HS6ST3: variants seen among roughly 807,000 people sequenced by gnomAD.
HS6ST3 encodes the protein heparan-sulfate 6-O-sulfotransferase 3.
HS6ST3 carries 12 observed loss-of-function variants against 36.7 expected under a neutral mutation model. That is an observed-to-expected ratio of 0.33 (90% CI 0.21 to 0.53). The LOEUF (loss-of-function observed/expected upper bound fraction) is 0.53, where lower values mean the gene tolerates loss of function less well. Ranked by LOEUF, HS6ST3 falls within the 20% of genes least tolerant of loss-of-function variation. The pLI is 0.95. For missense variants in HS6ST3, 584 were observed against 640.9 expected (o/e 0.91, Z 0.96); for synonymous variants, 240 against 257.5 (o/e 0.93, Z 0.65).
intron 1 of HS6ST3, among the ~76,000 whole-genome samples, chr13:96,512,882 TTTG>T (rs926287723): frequency 1.1e-4 from 17 of 151,992 alleles, no homozygotes; most frequent in Non-Finnish European, 2.4e-4. Flanking sequence ...CTCTCATTTT[TTTG>T]TTGTTGTTGT....
At chr13:96,381,261 G>A (rs756256342) in intron 1 of HS6ST3, among the ~76,000 whole-genome samples, 25 of 152,056 alleles carry the variant, frequency 1.6e-4, no homozygotes, top group Non-Finnish European at 3.5e-4. Context: ...TATAATATAA[G>A]CCCAGCTTTG....
intron 1 of HS6ST3, among the ~76,000 whole-genome samples, chr13:96,478,835 G>T (rs960888638): frequency 6.6e-6 from 1 of 152,128 alleles, no homozygotes; most frequent in African/African-American, 2.4e-5. Flanking sequence ...CTTGCCTAGG[G>T]TCACAAAGTT....
intron 1 of HS6ST3, among the ~76,000 whole-genome samples, chr13:96,371,452 C>T (rs185512423): frequency 4.0e-4 from 61 of 152,144 alleles, no homozygotes; most frequent in Non-Finnish European, 4.6e-4. Flanking sequence ...CACATAGTTA[C>T]GTGTATGTGT....
intron 1 of HS6ST3, among the ~76,000 whole-genome samples, chr13:96,355,288 T>G (rs2055203916): frequency 6.6e-6 from 1 of 151,576 alleles, no homozygotes; most frequent in African/African-American, 2.4e-5. Flanking sequence ...AGAAGTTGAT[T>G]CCAACCCTGA....
In HS6ST3 at chr13:96,573,209, A is replaced by T. The variant is rs376045347; in HGVS notation, c.708-259281A>T. ...TAGAATGTCTTAGAGTTCTTTTCTT[A>T]TTTCTATTTCCTGTGCGATATCTCC... On this transcript the variant is annotated intron_variant, in intron 1 of 1. Coordinates refer to ENST00000376705, the MANE Select transcript of HS6ST3 (RefSeq NM_153456.4). 3.0e-4 allele frequency among the ~76,000 whole-genome samples: 45 copies of T among 152,278 alleles called. No individual in the cohort carries two copies. The East Asian group carries it at 6.8e-3, about 23-fold the overall frequency.
At chr13:96,313,532 T>C (rs1332591509) in intron 1 of HS6ST3, among the ~76,000 whole-genome samples, 1 of 152,124 alleles carries the variant, frequency 6.6e-6, no homozygotes, top group Non-Finnish European at 1.5e-5. Context: ...TTACGTATCT[T>C]AGGTCATGCA....
chr13:96,331,693 C>T (rs1043973889), intron 1 of HS6ST3, among the ~76,000 whole-genome samples: 1 of 152,194 alleles, frequency 6.6e-6, no homozygotes, highest in African/African-American at 2.4e-5. Flanking sequence ...CCTCCTTGAG[C>T]TGTGGTGGGC....
At chr13:96,162,112 A>C (rs1594699658) in intron 1 of HS6ST3, among the ~76,000 whole-genome samples, 1 of 152,230 alleles carries the variant, frequency 6.6e-6, no homozygotes, top group South Asian at 2.1e-4. Flanking sequence ...GGAACAGCTT[A>C]ATAGTACACC....
chr13:96,102,348 G>A (rs2053822163), intron 1 of HS6ST3, among the ~76,000 whole-genome samples: 1 of 152,154 alleles, frequency 6.6e-6, no homozygotes. Context: ...TGGGTGTGGT[G>A]GTGGGGGCCT....
At chr13:96,656,717 C>T (rs2139016250) in intron 1 of HS6ST3, among the ~76,000 whole-genome samples, 1 of 152,190 alleles carries the variant, frequency 6.6e-6, no homozygotes, top group East Asian at 1.9e-4. Flanking sequence ...CATAGGAATC[C>T]TGGTGGAATC....
intron 1 of HS6ST3, among the ~76,000 whole-genome samples, chr13:96,668,125 G>A (rs1014006054): frequency 2.0e-5 from 3 of 151,758 alleles, no homozygotes; most frequent in Admixed American, 2.0e-4. Flanking sequence ...TTTTGCAGAT[G>A]AAAAAACTGA....
At chr13:96,508,800 C>A (rs541095544) in intron 1 of HS6ST3, among the ~76,000 whole-genome samples, 1 of 152,188 alleles carries the variant, frequency 6.6e-6, no homozygotes, top group South Asian at 2.1e-4. Context: ...AGGTTGGTTC[C>A]ATATCTTTAC....
chr13:96,787,648 G>A (rs747613762), intron 1 of HS6ST3, among the ~76,000 whole-genome samples: 1 of 151,872 alleles, frequency 6.6e-6, no homozygotes, highest in Admixed American at 6.6e-5. Context: ...AGTTCTTTAT[G>A]TATTTTGTAA....
intron 1 of HS6ST3, among the ~76,000 whole-genome samples, chr13:96,245,599 T>C (rs1390703134): frequency 3.9e-5 from 6 of 152,246 alleles, no homozygotes; most frequent in African/African-American, 1.4e-4. Flanking sequence ...GTTATCCTTT[T>C]TCCGATGCTA....
At chr13:96,547,573 A>G (rs2056202329) in intron 1 of HS6ST3, among the ~76,000 whole-genome samples, 1 of 152,122 alleles carries the variant, frequency 6.6e-6, no homozygotes, top group Admixed American at 6.5e-5. Flanking sequence ...TAAAAAGTTA[A>G]AGACTTACAA....
At chr13:96,519,489 C>T (rs1022915206) in intron 1 of HS6ST3, among the ~76,000 whole-genome samples, 2 of 152,182 alleles carry the variant, frequency 1.3e-5, no homozygotes, top group Admixed American at 1.3e-4. Context: ...TGTTTCTGGG[C>T]ATGGTCCAAC....
chr13:96,663,561 CA>C (rs2056653770), intron 1 of HS6ST3, among the ~76,000 whole-genome samples: 1 of 152,130 alleles, frequency 6.6e-6, no homozygotes, highest in Admixed American at 6.6e-5. Flanking sequence ...TGGGAATATG[CA>C]ATGCTACATC....
At chr13:96,406,086 T>G (rs1351822650) in intron 1 of HS6ST3, among the ~76,000 whole-genome samples, 1 of 152,212 alleles carries the variant, frequency 6.6e-6, no homozygotes, top group Admixed American at 6.6e-5. Flanking sequence ...ACCACAATTG[T>G]TTAAGGATCT....
intron 1 of HS6ST3, among the ~76,000 whole-genome samples, chr13:96,289,398 T>C (rs1034639195): frequency 2.6e-5 from 4 of 152,132 alleles, no homozygotes; most frequent in Non-Finnish European, 5.9e-5. Flanking sequence ...GATAGATTGG[T>C]AGACTGGAAT....
Sources: allele counts gnomAD v4.1 joint callset (sites outside exome capture counted in the v4.1 genomes callset), GRCh38; gene constraint gnomAD v4.1.1; transcripts MANE v1.5; gene names NCBI Gene and HGNC (gene_info 2026-07-23, HGNC 2026-07-21).